The following POC1B variants were observed in gnomAD, a reference collection of about 807,000 sequenced individuals.
POC1B encodes the protein POC1 centriolar protein homolog B.
In POC1B, 44 loss-of-function variants were observed where a neutral mutation model predicts 60.6. That is an observed-to-expected ratio of 0.73 (90% CI 0.57 to 0.93). The LOEUF is 0.93. Ranked by LOEUF, POC1B falls within the 40% of genes least tolerant of loss-of-function variation. The pLI is 0.00. For synonymous variants in POC1B, 180 were observed against 198.9 expected (o/e 0.90, Z 0.80); for missense variants, 555 against 572.3 (o/e 0.97, Z 0.31).
At chr12:89,491,696 T>C (rs876554) in intron 4 of POC1B, among the ~76,000 whole-genome samples, 74,824 of 150,800 alleles carry the variant, frequency 0.5, 18,651 homozygotes, top group East Asian at 0.58. Context: ...TCTTTCTCCA[T>C]AGTGCTTACT....
chr12:89,502,587 TG>T, intron 2 of POC1B: 1 of 1,232,064 alleles, frequency 8.1e-7, no homozygotes, highest in Admixed American at 1.9e-5. Context: ...CAGCCAGCAA[TG>T]GTAAAGGACC....
At chr12:89,410,023 T>A in the POC1B span, among the ~76,000 whole-genome samples, 3 of 152,178 alleles carry the variant, frequency 2.0e-5, no homozygotes, top group African/African-American at 4.8e-5. Flanking sequence ...TTCAGGCCAA[T>A]ATCCCTGATG....
At chr12:89,402,329 T>C in the POC1B span, among the ~76,000 whole-genome samples, 3 of 118,148 alleles carry the variant, frequency 2.5e-5, no homozygotes, top group Non-Finnish European at 5.3e-5. Flanking sequence ...CAAGATGTGT[T>C]ATCACAAATA....
chr12:89,491,083 G>A (rs1868942029), intron 4 of POC1B, among the ~76,000 whole-genome samples: 1 of 152,122 alleles, frequency 6.6e-6, no homozygotes, highest in South Asian at 2.1e-4. Flanking sequence ...AGTCAGCGCT[G>A]CTCTTGACCT....
At chr12:89,518,562 C>A (rs1218981009) in intron 2 of POC1B, among the ~76,000 whole-genome samples, 1 of 111,618 alleles carries the variant, frequency 9.0e-6, no homozygotes, top group Non-Finnish European at 1.9e-5. Context: ...TTAAAGTACA[C>A]CAGTGTTTTG....
intron 6 of POC1B, among the ~76,000 whole-genome samples, chr12:89,471,406 C>T (rs1882886744): frequency 6.6e-6 from 1 of 152,060 alleles, no homozygotes; most frequent in South Asian, 2.1e-4. Flanking sequence ...AACCAGCCCT[C>T]ACATCATTTT....
chr12:89,416,458 G>T (rs1031772805), downstream of POC1B, among the ~76,000 whole-genome samples: 2 of 152,202 alleles, frequency 1.3e-5, no homozygotes, highest in East Asian at 3.8e-4. Context: ...AAGGGATAAA[G>T]AATGTAGAAA....
At chr12:89,432,372 ACT>A (rs1179213784) in intron 10 of POC1B, among the ~76,000 whole-genome samples, 1 of 116,484 alleles carries the variant, frequency 8.6e-6, no homozygotes, top group African/African-American at 3.4e-5. Context: ...GGGCAACGAG[ACT>A]CTGTTTCTTA....
At position 89,472,174 on chromosome 12, in the gene POC1B, G is replaced by GA; in HGVS notation, c.553dup (p.Ser185PhefsTer11). The GA allele has an allele frequency of 6.3e-7, 1 of 1,575,118 alleles. No individual in the cohort carries two copies. Among genetic ancestry groups the GA allele is most frequent in the Non-Finnish European group, 8.7e-7 (1 of 1,146,988 alleles). The stretch of plus-strand genomic sequence containing the variant: ...ACAAAGAAAGTGTACTTACCCAACG[G>GA]AATCTGAGAAGTTATTAACACATTG... On this transcript the variant is annotated frameshift_variant, in exon 5 of 12. Coordinates refer to ENST00000313546, the MANE Select transcript of POC1B (RefSeq NM_172240.3). LOFTEE classifies it high-confidence loss of function.
the POC1B span, among the ~76,000 whole-genome samples, chr12:89,405,489 A>G: frequency 6.6e-6 from 1 of 152,210 alleles, no homozygotes; most frequent in African/African-American, 2.4e-5. Flanking sequence ...CTAAAAATAC[A>G]AAAATTAGCC....
intron 4 of POC1B, among the ~76,000 whole-genome samples, chr12:89,482,361 A>C (rs1174551162): frequency 6.6e-6 from 1 of 152,210 alleles, no homozygotes; most frequent in Non-Finnish European, 1.5e-5. Context: ...GTGGTCAAAC[A>C]TACATGAATC....
chr12:89,449,433 A>T (rs755082447), intron 10 of POC1B, among the ~76,000 whole-genome samples: 4 of 152,246 alleles, frequency 2.6e-5, no homozygotes, highest in Non-Finnish European at 5.9e-5. Flanking sequence ...ACCATTCCAC[A>T]TGTATATATA....
At chr12:89,418,602 G>A (rs960665953), downstream of POC1B, among the ~76,000 whole-genome samples, 1 of 152,136 alleles carries the variant, frequency 6.6e-6, no homozygotes, top group Non-Finnish European at 1.5e-5. Context: ...TGGGTCATGG[G>A]GGTGGATCCC....
Position 89,462,687 on chromosome 12 carries a change from T to C in POC1B, c.1033-2969A>G, listed in dbSNP as rs116244986. 4.8e-3 allele frequency among the ~76,000 whole-genome samples: 734 copies of C among 152,320 alleles called. 3 individuals carry two copies. The highest frequency in any genetic ancestry group is 0.017 in the African/African-American group (691 of 41,578). On this transcript the variant is annotated intron_variant, in intron 9 of 11. Transcript: ENST00000313546. ...TTTATATTGAAGCATTACATCAAAG[T>C]GGTTAAAAACACAGAATGGAACCAG...
downstream of POC1B, among the ~76,000 whole-genome samples, chr12:89,416,831 G>T (rs1257931079): frequency 6.6e-6 from 1 of 152,196 alleles, no homozygotes; most frequent in Non-Finnish European, 1.5e-5. Context: ...TCAGCAGCTG[G>T]ATTTGTGTTC....
intron 7 of POC1B, among the ~76,000 whole-genome samples, chr12:89,468,722 G>A (rs1882775699): frequency 6.6e-6 from 1 of 151,940 alleles, no homozygotes; most frequent in Non-Finnish European, 1.5e-5. Flanking sequence ...ATTTAAGCTG[G>A]TTAGTATTTA....
At chr12:89,427,304 C>T (rs1880807851) in intron 10 of POC1B, 1 of 152,144 alleles carries the variant, frequency 6.6e-6, no homozygotes, top group African/African-American at 2.4e-5. Flanking sequence ...AAAGAATTAT[C>T]TTTTTAACAA....
rs770960285 is a variant in POC1B, at chr12:89,525,126, G to C, written c.94C>G (p.Gln32Glu). Residue 32 changes from glutamine to glutamate, a missense_variant, in exon 2 of 12, where the codon CAA becomes GAA. Transcript: ENST00000313546. ...TSLDLSPNGK[Q>E]LATASWDTFL... The stretch of plus-strand genomic sequence containing the variant: ...AAACAAGAATAAGACTTACCAAGTT[G>C]CTTGCCGTTGGGGCTGAGGTCCAAG... The C allele has an allele frequency of 6.2e-7, 1 of 1,614,052 alleles. No homozygotes were observed. The highest frequency in any genetic ancestry group is 1.3e-5 in the African/African-American group (1 of 75,044).
At chr12:89,404,189 C>A in the POC1B span, among the ~76,000 whole-genome samples, 2 of 151,502 alleles carry the variant, frequency 1.3e-5, no homozygotes, top group African/African-American at 4.9e-5. Context: ...ATACCTAGGT[C>A]AGCAGCTGTT....
Sources: gnomAD v4.1 joint callset for allele counts (sites outside exome capture counted in the v4.1 genomes callset) on GRCh38, gnomAD v4.1.1 for gene constraint, MANE v1.5 for transcripts, NCBI Gene and HGNC (gene_info 2026-07-23, HGNC 2026-07-21) for gene names.